ACACA: variants seen among roughly 807,000 people sequenced by gnomAD.
ACACA encodes the protein acetyl-CoA carboxylase 1.
A neutral mutation model predicts 296.1 loss-of-function variants in ACACA; 103 were observed. That is an observed-to-expected ratio of 0.35 (90% CI 0.30 to 0.41). The LOEUF (loss-of-function observed/expected upper bound fraction) is 0.41. ACACA is among the 10% of genes least tolerant of loss of function. The pLI, the probability that ACACA is intolerant of heterozygous loss-of-function variation, is 1.00. For missense variants in ACACA, 1,554 were observed against 2,989.7 expected, an observed-to-expected ratio of 0.52 and a Z score of 11.20; for synonymous variants, 953 against 1,038.6, an observed-to-expected ratio of 0.92 and a Z score of 1.58.
rs531458101 is a variant in ACACA, at chr17:37,381,472, C to T, written c.38+24790G>A. ...AAGTGCTAGGATTACAAGCGTTAGC[C>T]ACTGCGCCTGGCCAATCCCTTGCTT... On this transcript the variant is annotated intron_variant, in intron 1 of 55. Coordinates refer to ENST00000616317, the MANE Select transcript of ACACA (RefSeq NM_198834.3). Among the ~76,000 whole-genome samples, 9 of 152,084 alleles carry T rather than the reference C, an allele frequency of 5.9e-5. No individual in the cohort carries two copies. In the South Asian group the frequency reaches 1.9e-3, roughly 32 times the overall value.
At position 37,174,020 on chromosome 17, in the gene ACACA, A is replaced by ATTT. The variant is rs71159693; in HGVS notation, c.5079+5237_5079+5239dup. ...TATATATATATATATATATATATAT[A>ATTT]TTTTTTTTTTTTTTTTTTTTTGTAG... is the stretch of plus-strand genomic sequence containing the variant. On this transcript the variant is annotated intron_variant, in intron 41 of 55. Coordinates refer to ENST00000616317, the MANE Select transcript of ACACA (RefSeq NM_198834.3). Among the ~76,000 whole-genome samples the ATTT allele has an allele frequency of 2.4e-3, 40 of 16,782 alleles. 4 individuals carry two copies. The highest frequency in any genetic ancestry group is 3.6e-3 in the African/African-American group (14 of 3,908). 11.0% of individuals were successfully genotyped at this position (16,782 alleles called of 152,430 possible).
At chr17:37,352,026 G>A (rs1035551777) in intron 1 of ACACA, among the ~76,000 whole-genome samples, 5 of 150,880 alleles carry the variant, frequency 3.3e-5, no homozygotes, top group African/African-American at 1.2e-4. Flanking sequence ...CGCCTCCCGG[G>A]TTCATGCCAT....
chr17:37,193,060 G>C (rs1452856085), intron 36 of ACACA, among the ~76,000 whole-genome samples: 1 of 152,134 alleles, frequency 6.6e-6, no homozygotes, highest in Admixed American at 6.6e-5. Flanking sequence ...GTAGAGTTGA[G>C]TATCAGTGAA....
chr17:37,402,489 A>T (rs1472902154), intron 1 of ACACA, among the ~76,000 whole-genome samples: 2 of 152,202 alleles, frequency 1.3e-5, no homozygotes, highest in African/African-American at 4.8e-5. Context: ...TTTATTGTAC[A>T]AATGGAGACT....
Position 37,280,472 on chromosome 17 carries a change from G to A in ACACA, c.611-2467C>T, listed in dbSNP as rs548053044. Reference sequence around the variant, plus strand: ...TCCGCCTGCCTTGGCCTCCCAAAGTGCTGAGATTACAGGCGTAAACCACCA... The same window carrying A: ...TCCGCCTGCCTTGGCCTCCCAAAGTACTGAGATTACAGGCGTAAACCACCA... On this transcript the variant is annotated intron_variant, in intron 5 of 55. Transcript: ENST00000616317. Among the ~76,000 whole-genome samples, 50 of 152,238 alleles carry A rather than the reference G, an allele frequency of 3.3e-4. 2 individuals carry two copies. In the South Asian group the frequency reaches 1.0e-2, roughly 30 times the overall value.
chr17:37,382,633 A>C (rs1012741631), intron 1 of ACACA, among the ~76,000 whole-genome samples: 2 of 152,088 alleles, frequency 1.3e-5, no homozygotes, highest in Admixed American at 6.6e-5. Context: ...AGGCCGAGGC[A>C]GGCGGATCAT....
chr17:37,359,344 G>A (rs992881066), intron 1 of ACACA, among the ~76,000 whole-genome samples: 3 of 151,990 alleles, frequency 2.0e-5, no homozygotes, highest in African/African-American at 7.2e-5. Flanking sequence ...GCGGGGCGGA[G>A]CGATGTGAGG....
intron 3 of ACACA, among the ~76,000 whole-genome samples, chr17:37,321,625 G>A (rs909599563): frequency 6.6e-6 from 1 of 152,204 alleles, no homozygotes; most frequent in African/African-American, 2.4e-5. Context: ...GCATGTGCCT[G>A]TAGTCCCAGC....
intron 45 of ACACA, chr17:37,143,743 C>T (rs2075698770): frequency 5.4e-6 from 5 of 920,432 alleles, no homozygotes; most frequent in Admixed American, 1.7e-5. Flanking sequence ...CCTCATCTTC[C>T]TTGTTTTTCT....
intron 6 of ACACA, 124 bp downstream of exon 6, chr17:37,277,772 T>C (rs529592973): frequency 1.4e-6 from 1 of 729,002 alleles, no homozygotes. Context: ...AGTTATCCCA[T>C]ACACAGGCAT....
At chr17:37,217,752 A>AC (rs534811982) in intron 29 of ACACA, among the ~76,000 whole-genome samples, 22,605 of 132,442 alleles carry the variant, frequency 0.17, 2,799 homozygotes, top group Admixed American at 0.28. Flanking sequence ...AAAAAAAAAA[A>AC]AAAAAAAAAA....
intron 8 of ACACA, among the ~76,000 whole-genome samples, chr17:37,275,392 G>A (rs1264804991): frequency 1.3e-5 from 2 of 150,232 alleles, no homozygotes; most frequent in African/African-American, 4.9e-5. Context: ...AGCTACTCGG[G>A]AGGCTGAGGC....
Position 37,279,594 on chromosome 17 carries a change from G to A in ACACA, c.611-1589C>T, listed in dbSNP as rs573459158. Among the ~76,000 whole-genome samples, 10 of 151,658 alleles carry A rather than the reference G, an allele frequency of 6.6e-5. No homozygotes were observed. The South Asian group carries it at 1.9e-3, about 28-fold the overall frequency. On this transcript the variant is annotated intron_variant, in intron 5 of 55. Transcript: ENST00000616317. ...ACCTGGGAGGCAGAGGTTGCAGTAA[G>A]CTGAGATCACGCCACTGCACCAACC...
chr17:37,117,448 C>T (rs2074311648), intron 50 of ACACA, among the ~76,000 whole-genome samples: 2 of 151,980 alleles, frequency 1.3e-5, no homozygotes, highest in Admixed American at 1.3e-4. Context: ...TGAGAGTGAC[C>T]CTGTAGCACC....
At chr17:37,218,171 G>C (rs913629466) in intron 29 of ACACA, among the ~76,000 whole-genome samples, 2 of 145,084 alleles carry the variant, frequency 1.4e-5, no homozygotes, top group Non-Finnish European at 1.5e-5. Flanking sequence ...AAAAAAAGAG[G>C]GCTCAGTGTG....
rs1189139212 is a variant in ACACA at position 37,303,561 on chromosome 17, A to G, written c.339-18591T>C. ...CATATGGTGAGAGTTTAGTTTTATAAGAAAGTGTCAAATTAGCCGGGCACA... is the reference window on the plus strand; with the variant it reads ...CATATGGTGAGAGTTTAGTTTTATAGGAAAGTGTCAAATTAGCCGGGCACA... On this transcript the variant is annotated intron_variant, in intron 3 of 55. Coordinates refer to ENST00000616317, the MANE Select transcript of ACACA (RefSeq NM_198834.3). 8.5e-5 allele frequency among the ~76,000 whole-genome samples: 13 copies of G among 152,260 alleles called. No homozygotes were observed. The East Asian group carries it at 2.5e-3, about 29-fold the overall frequency.
intron 1 of ACACA, among the ~76,000 whole-genome samples, chr17:37,353,496 G>A (rs1203046180): frequency 2.6e-5 from 4 of 151,634 alleles, no homozygotes; most frequent in African/African-American, 7.3e-5. Flanking sequence ...AAAATTAGCC[G>A]AGCATGGTGG....
chr17:37,297,211 G>T (rs1598427482), intron 3 of ACACA, among the ~76,000 whole-genome samples: 1 of 151,566 alleles, frequency 6.6e-6, no homozygotes, highest in Middle Eastern at 3.4e-3. Flanking sequence ...AGAGGCCAAG[G>T]CGGGCATATC....
intron 45 of ACACA, among the ~76,000 whole-genome samples, chr17:37,133,680 G>A (rs1220787886): frequency 6.6e-6 from 1 of 152,114 alleles, no homozygotes; most frequent in Non-Finnish European, 1.5e-5. Context: ...TTTGACCTAC[G>A]CATTTCTTGC....
Sources: allele counts gnomAD v4.1 joint callset (sites outside exome capture counted in the v4.1 genomes callset), GRCh38; gene constraint gnomAD v4.1.1; transcripts MANE v1.5; gene names NCBI Gene and HGNC (gene_info 2026-07-23, HGNC 2026-07-21).